Variants in ATMIN observed in about 807,000 individuals in gnomAD.
ATMIN encodes ATM interactor, also known as ATM INteracting protein.
ATMIN carries 24 observed loss-of-function variants against 49.2 expected under a neutral mutation model. The observed-to-expected ratio is 0.49, with a 90% CI of 0.35 to 0.69. The LOEUF (loss-of-function observed/expected upper bound fraction) is 0.69, where lower values mean the gene tolerates loss of function less well. Ranked by LOEUF, ATMIN falls within the 30% of genes least tolerant of loss-of-function variation. The pLI is 0.00. For synonymous variants in ATMIN, 450 were observed against 392.5 expected, an observed-to-expected ratio of 1.15 and a Z score of -1.73; for missense variants, 1,037 against 1,005.5, an observed-to-expected ratio of 1.03 and a Z score of -0.42.
At chr16:81,039,115 C>G (rs1408080803) in intron 1 of ATMIN, among the ~76,000 whole-genome samples, 1 of 152,062 alleles carries the variant, frequency 6.6e-6, no homozygotes, top group Non-Finnish European at 1.5e-5. Context: ...AATGTTGATA[C>G]CTGTTTTCAA....
chr16:81,036,074 G>C lies in ATMIN; in HGVS notation c.204G>C (p.Leu68=). ...TCCCCGCGCCGCCGGCGGGGGAGCT[G>C]ATCCAGCCGTCGGTGAGCGAGCTGT... is the stretch of plus-strand genomic sequence containing the variant. The part of the protein sequence containing the change: ...PAVPAPPAGE[L]IQPSVSELSR... Residue 68 remains leucine (L), a synonymous_variant, in exon 1 of 4, where the codon CTG becomes CTC. Transcript: ENST00000299575. The C allele has an allele frequency of 7.5e-7, 1 of 1,329,932 alleles. No individual in the cohort carries two copies. The highest frequency in any genetic ancestry group is 9.7e-7 in the Non-Finnish European group (1 of 1,028,168). 82.4% of individuals were successfully genotyped at this position (1,329,932 alleles called of 1,614,324 possible). A position where few individuals can be genotyped will look rare whatever the true frequency, so the allele number is the denominator to read the frequency against.
chr16:81,040,675 GGAGTAAGGGACTTT>G (rs1971022370), intron 1 of ATMIN: 1 of 152,240 alleles, frequency 6.6e-6, no homozygotes, highest in Non-Finnish European at 1.5e-5. Flanking sequence ...TTGAAGCTAT[GGAGTAAGGGACTTT>G]GAGTATCCCA....
Position 81,045,990 on chromosome 16 carries a change from AG to A in ATMIN, c.*1021del, listed in dbSNP as rs1300192663. On this transcript the variant is annotated 3_prime_UTR_variant, in exon 4 of 4. Transcript: ENST00000299575. The stretch of plus-strand genomic sequence containing the variant: ...AAGACCCTATCTCAAAAAAAAAAAA[AG>A]TCGCCAGCAACAAGCACGTAGTGTA... 1 of 151,262 alleles carries A rather than the reference AG, an allele frequency of 6.6e-6. No individual in the cohort carries two copies. Among genetic ancestry groups the A allele is most frequent in the Non-Finnish European group, 1.5e-5 (1 of 67,776 alleles). 9.4% of individuals were successfully genotyped at this position (151,262 alleles called of 1,614,324 possible).
In ATMIN at chr16:81,044,481, C is replaced by A. The variant is rs140077063; in HGVS notation, c.1983C>A (p.Thr661=). 1 of 1,614,094 alleles carries A rather than the reference C, an allele frequency of 6.2e-7. No homozygotes were observed. Among genetic ancestry groups the A allele is most frequent in the East Asian group, 2.2e-5 (1 of 44,864 alleles). ...TEESELSTMT[T]EPVLESLDIE... ...AGAGTGAACTTAGCACCATGACCAC[C>A]GAGCCAGTCTTGGAGTCACTGGACA... The change falls in exon 4 of 4, where the codon ACC becomes ACA. Residue 661 remains threonine, a synonymous_variant. Transcript: ENST00000299575.
chr16:81,046,961 T>C lies in ATMIN; in HGVS notation c.*1991T>C, dbSNP rs1026497105. 2 of 152,638 alleles carry C rather than the reference T, an allele frequency of 1.3e-5. No individual in the cohort carries two copies. The highest frequency in any genetic ancestry group is 2.9e-5 in the Non-Finnish European group (2 of 68,036). The allele number at this position is 152,638 out of a possible 1,614,324, so 9.5% of individuals were successfully genotyped here. On this transcript the variant is annotated 3_prime_UTR_variant, in exon 4 of 4. Transcript: ENST00000299575. ...ATAAAGCCTTAACTTAGAATTTCAT[T>C]ATGTTTTAGAATCATCACTGCCTTA...
intron 1 of ATMIN, chr16:81,040,717 C>T (rs1971023125): frequency 6.6e-6 from 1 of 152,220 alleles, no homozygotes; most frequent in African/African-American, 2.4e-5. Context: ...AAAGTTGGGA[C>T]TTGAACAGTA....
At position 81,035,899 on chromosome 16, in the gene ATMIN, C is replaced by A. The variant is rs1371242894; in HGVS notation, c.29C>A (p.Ala10Glu). Residue 10 changes from alanine (A) to glutamate (E), a missense_variant, in exon 1 of 4, where the codon GCG becomes GAG. Transcript: ENST00000299575. MAASEAAAA[A>E]GSAALAAGAR... ...GCGGCCTCGGAGGCGGCGGCGGCGG[C>A]GGGGTCCGCGGCTCTGGCGGCGGGT... 3 of 973,384 alleles carry A rather than the reference C, an allele frequency of 3.1e-6. No homozygotes were observed. Among genetic ancestry groups the A allele is most frequent in the East Asian group, 1.2e-4 (1 of 8,616 alleles). The allele number at this position is 973,384 out of a possible 1,614,324, so 60.3% of individuals were successfully genotyped here.
chr16:81,044,584 G>C lies in ATMIN; in HGVS notation c.2086G>C (p.Gly696Arg). The stretch of plus-strand genomic sequence containing the variant: ...GTGTAGGGGAAATTCTAACTTCTTA[G>C]GCCTTGAGATGTTTGACACACAGAC... The part of the protein sequence containing the change: ...YGCRGNSNFL[G>R]LEMFDTQTQT... Residue 696 changes from glycine (G) to arginine (R), a missense_variant, in exon 4 of 4, where the codon GGC (glycine) becomes CGC (arginine). Physicochemically the swap from Gly to Arg is moderately radical, Grantham distance 125. Transcript: ENST00000299575. 9 of 1,614,054 alleles carry C rather than the reference G, an allele frequency of 5.6e-6. No homozygotes were observed. Among genetic ancestry groups the C allele is most frequent in the Non-Finnish European group, 7.6e-6 (9 of 1,180,032 alleles).
Position 81,047,015 on chromosome 16 carries a change from A to G in ATMIN, c.*2045A>G, listed in dbSNP as rs1444031920. The G allele has an allele frequency of 1.3e-5, 2 of 152,642 alleles. No individual in the cohort carries two copies. Among genetic ancestry groups the G allele is most frequent in the Non-Finnish European group, 1.5e-5 (1 of 68,036 alleles). The allele number at this position is 152,642 out of a possible 1,614,324, so 9.5% of individuals were successfully genotyped here. A position where few individuals can be genotyped will look rare whatever the true frequency, so the allele number is the denominator to read the frequency against. On this transcript the variant is annotated 3_prime_UTR_variant, in exon 4 of 4. Transcript: ENST00000299575. Reference sequence around the variant, plus strand: ...TTCAAGCATCTATTTAAGTCCTAATAAAGGAGAAATGCATGTTTATGGCTT... The same window carrying G: ...TTCAAGCATCTATTTAAGTCCTAATGAAGGAGAAATGCATGTTTATGGCTT...
At chr16:81,042,940 A>G (rs978070318) in intron 3 of ATMIN, among the ~76,000 whole-genome samples, 1 of 152,148 alleles carries the variant, frequency 6.6e-6, no homozygotes, top group Non-Finnish European at 1.5e-5. Context: ...AGAGCTTAAC[A>G]AAAGGTATGT....
chr16:81,037,173 C>A (rs1355146178), intron 1 of ATMIN: 4 of 985,348 alleles, frequency 4.1e-6, no homozygotes, highest in Admixed American at 6.1e-5. Flanking sequence ...TGGCAAGTTT[C>A]CTTCCACCAC....
At chr16:81,041,530 C>T (rs144862301) in intron 2 of ATMIN, 49 bp downstream of exon 2, 141 of 1,568,872 alleles carry the variant, frequency 9.0e-5, no homozygotes, top group Admixed American at 4.2e-4. Flanking sequence ...ACCTATTGTG[C>T]ATTCTGATTA....
At chr16:81,037,493 G>A (rs902488729) in intron 1 of ATMIN, 3 of 985,454 alleles carry the variant, frequency 3.0e-6, no homozygotes, top group Non-Finnish European at 3.6e-6. Flanking sequence ...GAGGAAGACC[G>A]TGCAGGTGGG....
chr16:81,041,363 T>C lies in ATMIN; in HGVS notation c.344T>C (p.Ile115Thr). The C allele has an allele frequency of 6.2e-7, 1 of 1,610,760 alleles. No homozygotes were observed. Among genetic ancestry groups the C allele is most frequent in the Non-Finnish European group, 8.5e-7 (1 of 1,179,246 alleles). Reference sequence around the variant, plus strand: ...GTAATTTTCCTTTTGCAGGATGGCATAGTCAATCCAACAATAAGAAAAGAT... The same window carrying C: ...GTAATTTTCCTTTTGCAGGATGGCACAGTCAATCCAACAATAAGAAAAGAT... ...LVKSHRLQDGIVNPTIRKDLK... is the reference protein window; with the variant it reads ...LVKSHRLQDGTVNPTIRKDLK... Residue 115 changes from isoleucine (I) to threonine (T), a missense_variant, in exon 2 of 4, where the codon ATA becomes ACA. Coordinates refer to ENST00000299575, the MANE Select transcript of ATMIN (RefSeq NM_015251.3).
intron 2 of ATMIN, chr16:81,041,794 G>A (rs1971041317): frequency 8.3e-6 from 2 of 241,184 alleles, no homozygotes; most frequent in Non-Finnish European, 1.6e-5. Context: ...CCAGCGCAAA[G>A]GCACAAAGGA....
Position 81,044,584 on chromosome 16 carries a change from G to A in ATMIN, c.2086G>A (p.Gly696Ser). The change falls in exon 4 of 4, where the codon GGC (glycine) becomes AGC (serine). Residue 696 changes from glycine (G) to serine (S), a missense_variant. Gly to Ser is a moderately conservative substitution (Grantham distance 56). Transcript: ENST00000299575. ...YGCRGNSNFL[G>S]LEMFDTQTQT... ...GTGTAGGGGAAATTCTAACTTCTTAGGCCTTGAGATGTTTGACACACAGAC... is the reference window on the plus strand; with the variant it reads ...GTGTAGGGGAAATTCTAACTTCTTAAGCCTTGAGATGTTTGACACACAGAC... 1 of 1,614,054 alleles carries A rather than the reference G, an allele frequency of 6.2e-7. No homozygotes were observed. The highest frequency in any genetic ancestry group is 1.1e-5 in the South Asian group (1 of 91,078).
chr16:81,045,426 A>G lies in ATMIN; in HGVS notation c.*456A>G, dbSNP rs1971101330. 6.4e-6 allele frequency: 1 copy of G among 157,244 alleles called. No homozygotes were observed. The highest frequency in any genetic ancestry group is 6.3e-5 in the Admixed American group (1 of 15,966). 9.7% of individuals were successfully genotyped at this position (157,244 alleles called of 1,614,324 possible). ...ATTCCTGTTACTAATCACTAAAGAA[A>G]CCGGATGCTGCCACCGTAGGATTTA... On this transcript the variant is annotated 3_prime_UTR_variant, in exon 4 of 4. Transcript: ENST00000299575.
Position 81,046,673 on chromosome 16 carries a change from C to CAT in ATMIN, c.*1704_*1705insTA, listed in dbSNP as rs1472869024. The CAT allele has an allele frequency of 6.6e-6, 1 of 151,838 alleles. No individual in the cohort carries two copies. Among genetic ancestry groups the CAT allele is most frequent in the East Asian group, 1.9e-4 (1 of 5,176 alleles). The allele number at this position is 151,838 out of a possible 1,614,324, so 9.4% of individuals were successfully genotyped here. On this transcript the variant is annotated 3_prime_UTR_variant, in exon 4 of 4. Coordinates refer to ENST00000299575, the MANE Select transcript of ATMIN (RefSeq NM_015251.3). ...AGTTCTCCACATTGACACACACACA[C>CAT]ACACACACACACACACACGACATGC...
chr16:81,036,250 C>T, intron 1 of ATMIN, 44 bp downstream of exon 1: 2 of 1,244,640 alleles, frequency 1.6e-6, no homozygotes, highest in Non-Finnish European at 2.0e-6. Context: ...GGGCCTGGCT[C>T]CAACAAAGCG....
Sources: gnomAD v4.1 joint callset for allele counts (sites outside exome capture counted in the v4.1 genomes callset) on GRCh38, gnomAD v4.1.1 for gene constraint, MANE v1.5 for transcripts, NCBI Gene and HGNC (gene_info 2026-07-23, HGNC 2026-07-21) for gene names.